The following SHC3 variants were observed in gnomAD, a reference collection of about 807,000 sequenced individuals.
SHC3 encodes SHC-transforming protein 3.
In SHC3, 15 loss-of-function variants were observed where a neutral mutation model predicts 60.4. That is an observed-to-expected ratio of 0.25 (90% CI 0.17 to 0.38). The LOEUF (loss-of-function observed/expected upper bound fraction) is 0.38, where lower values mean the gene tolerates loss of function less well. SHC3 is among the 10% of genes least tolerant of loss of function. The probability of loss-of-function intolerance (pLI) is 1.00; values close to 1 mark genes in which losing one functional copy is unlikely to be tolerated. For missense variants in SHC3, 677 were observed against 786.1 expected, an observed-to-expected ratio of 0.86 and a Z score of 1.66; for synonymous variants, 294 against 325.9, an observed-to-expected ratio of 0.90 and a Z score of 1.05.
chr9:89,086,063 T>G (rs1825524792), intron 2 of SHC3, among the ~76,000 whole-genome samples: 1 of 152,224 alleles, frequency 6.6e-6, no homozygotes, highest in Non-Finnish European at 1.5e-5. Context: ...GAGCCTGGCA[T>G]GGGGCACATG....
At chr9:89,097,859 T>C (rs1825728297) in intron 2 of SHC3, among the ~76,000 whole-genome samples, 2 of 152,196 alleles carry the variant, frequency 1.3e-5, no homozygotes, top group Non-Finnish European at 2.9e-5. Flanking sequence ...AAATAAAAAA[T>C]ATTAACAGCA....
chr9:89,038,813 C>T (rs371374238), intron 10 of SHC3, among the ~76,000 whole-genome samples: 29 of 152,336 alleles, frequency 1.9e-4, no homozygotes, highest in African/African-American at 6.5e-4. Flanking sequence ...AGAAAGCTGA[C>T]GGGTGTTGGG....
chr9:89,162,054 C>T (rs1409414113), intron 1 of SHC3, among the ~76,000 whole-genome samples: 2 of 133,466 alleles, frequency 1.5e-5, no homozygotes, highest in African/African-American at 3.0e-5. Flanking sequence ...AGGACCTCTT[C>T]AAGGAGAACT....
intron 1 of SHC3, among the ~76,000 whole-genome samples, chr9:89,165,712 G>A (rs899422867): frequency 2.6e-5 from 4 of 152,138 alleles, no homozygotes; most frequent in Admixed American, 2.6e-4. Context: ...GAACAGTGCA[G>A]TGACACATGA....
intron 11 of SHC3, among the ~76,000 whole-genome samples, chr9:89,036,828 C>T (rs745732747): frequency 3.3e-5 from 5 of 152,042 alleles, no homozygotes; most frequent in Non-Finnish European, 5.9e-5. Context: ...CCTTGACCTA[C>T]GGGGCTCAAG....
At chr9:89,155,377 AT>A (rs1194273960) in intron 1 of SHC3, among the ~76,000 whole-genome samples, 1 of 152,062 alleles carries the variant, frequency 6.6e-6, no homozygotes, top group Non-Finnish European at 1.5e-5. Flanking sequence ...TCTGGTGTGA[AT>A]GACCAAGAAG....
At chr9:89,028,761 A>C (rs572456193) in intron 11 of SHC3, among the ~76,000 whole-genome samples, 35 of 145,818 alleles carry the variant, frequency 2.4e-4, no homozygotes, top group Non-Finnish European at 4.1e-4. Context: ...TTCTCTCTAT[A>C]TATATATTCT....
chr9:89,135,096 G>C (rs1479432811), intron 1 of SHC3, among the ~76,000 whole-genome samples: 2 of 152,004 alleles, frequency 1.3e-5, no homozygotes, highest in African/African-American at 4.8e-5. Context: ...ATTTGCATAA[G>C]TACAACAATC....
intron 9 of SHC3, among the ~76,000 whole-genome samples, chr9:89,043,243 A>T (rs1342830964): frequency 6.6e-6 from 1 of 152,218 alleles, no homozygotes; most frequent in African/African-American, 2.4e-5. Context: ...AGGTGTGAGA[A>T]TGAAGTGTCG....
chr9:89,075,045 A>C (rs1825334309), intron 4 of SHC3, 64 bp downstream of exon 4: 10 of 1,571,762 alleles, frequency 6.4e-6, no homozygotes, highest in Non-Finnish European at 8.6e-6. Flanking sequence ...GCAAGGAAGA[A>C]GCCTGCGAAA....
chr9:89,035,856 T>TATATATATATATATA (rs1317555722), intron 11 of SHC3, among the ~76,000 whole-genome samples: 105 of 88,878 alleles, frequency 1.2e-3, no homozygotes, highest in Admixed American at 2.4e-3. Context: ...TATAGATGTG[T>TATATATATATATATA]GTGTGTGTGT....
chr9:89,060,173 G>T (rs1825061720), intron 6 of SHC3, among the ~76,000 whole-genome samples: 1 of 149,572 alleles, frequency 6.7e-6, no homozygotes, highest in African/African-American at 2.5e-5. Flanking sequence ...GGAGGATGTG[G>T]TGGAGGACAT....
chr9:89,121,393 C>T (rs1188318925), intron 1 of SHC3, among the ~76,000 whole-genome samples: 6 of 152,006 alleles, frequency 3.9e-5, no homozygotes, highest in African/African-American at 1.2e-4. Context: ...CGGGTTCAAG[C>T]GATTCTCCTG....
chr9:89,166,063 TC>T (rs1451448580), intron 1 of SHC3, among the ~76,000 whole-genome samples: 2 of 152,092 alleles, frequency 1.3e-5, no homozygotes, highest in African/African-American at 4.8e-5. Context: ...TTCCACACAC[TC>T]CAGCCACGCA....
chr9:89,040,958 G>C (rs1824678077), intron 10 of SHC3, among the ~76,000 whole-genome samples: 1 of 152,198 alleles, frequency 6.6e-6, no homozygotes, highest in African/African-American at 2.4e-5. Flanking sequence ...GACCAGCAAG[G>C]CTGCCTTTCA....
chr9:89,160,788 G>A (rs1008269339), intron 1 of SHC3, among the ~76,000 whole-genome samples: 2 of 152,268 alleles, frequency 1.3e-5, no homozygotes, highest in South Asian at 2.1e-4. Flanking sequence ...GAATTCAAGG[G>A]CCTGCTAATA....
In SHC3 at chr9:89,052,167, G is replaced by A; in HGVS notation, c.836-4C>T. 6.2e-7 allele frequency: 1 copy of A among 1,613,402 alleles called. No homozygotes were observed. Among genetic ancestry groups the A allele is most frequent in the Non-Finnish European group, 8.5e-7 (1 of 1,179,580 alleles). ...CAGCATTCCAAAATGTGACAAGCTG[G>A]GAAAGCAAGTGACATGGGCCTATTA... On this transcript the variant is annotated splice_region_variant and splice_polypyrimidine_tract_variant and intron_variant, in intron 6 of 11. Transcript: ENST00000375835.
chr9:89,033,680 C>T (rs1824527822), intron 11 of SHC3, among the ~76,000 whole-genome samples: 1 of 152,120 alleles, frequency 6.6e-6, no homozygotes. Context: ...GTTTGCTACC[C>T]TCATGGGGAA....
chr9:89,092,339 C>T (rs1284084288), intron 2 of SHC3, among the ~76,000 whole-genome samples: 1 of 152,140 alleles, frequency 6.6e-6, no homozygotes, highest in Non-Finnish European at 1.5e-5. Flanking sequence ...CAGGTTTGGC[C>T]TGGCGCAGCG....
Sources: allele counts gnomAD v4.1 joint callset (sites outside exome capture counted in the v4.1 genomes callset), GRCh38; gene constraint gnomAD v4.1.1; transcripts MANE v1.5; gene names NCBI Gene and HGNC (gene_info 2026-07-23, HGNC 2026-07-21).